STK25: variants seen among roughly 807,000 people sequenced by gnomAD.
The protein encoded by STK25 is serine/threonine-protein kinase 25.
STK25 carries 29 observed loss-of-function variants against 53.8 expected under a neutral mutation model. The observed-to-expected ratio is 0.54, with a 90% confidence interval of 0.40 to 0.74. STK25 has a LOEUF of 0.74. Ranked by LOEUF, STK25 falls within the 30% of genes least tolerant of loss-of-function variation. STK25 has a pLI of 0.00. For synonymous variants in STK25, 247 were observed against 238.3 expected (o/e 1.04, Z -0.33); for missense variants, 420 against 568.0 (o/e 0.74, Z 2.65).
intron 10 of STK25, chr2:241,497,275 G>A (rs776969565): frequency 3.4e-5 from 8 of 237,996 alleles, no homozygotes; most frequent in Admixed American, 1.6e-4. Flanking sequence ...AGCAGGTGAC[G>A]TTGATGCAGG....
intron 2 of STK25, chr2:241,502,034 C>T (rs1040370512): frequency 1.1e-5 from 3 of 280,062 alleles, no homozygotes; most frequent in Non-Finnish European, 2.1e-5. Flanking sequence ...CGTGGCGGCT[C>T]ATGCCTGTAA....
chr2:241,497,340 T>C, intron 10 of STK25: 2 of 417,596 alleles, frequency 4.8e-6, no homozygotes, highest in Non-Finnish European at 4.4e-6. Context: ...GACTAAACCT[T>C]CTCTGCTTTC....
Position 241,492,735 on chromosome 2 carries a change from A to C in STK25, c.*2927T>G. 1.8e-6 allele frequency: 1 copy of C among 547,994 alleles called. No individual in the cohort carries two copies. 33.9% of individuals were successfully genotyped at this position (547,994 alleles called of 1,614,324 possible). On this transcript the variant is annotated 3_prime_UTR_variant, in exon 12 of 12. Transcript: ENST00000316586. ...GAACTCACTTTACTTGGTGCCTGGA[A>C]TGTCACTCTAGGTTTTTAACATGCT... is the stretch of plus-strand genomic sequence containing the variant.
chr2:241,507,569 AG>A (rs1283141144), intron 2 of STK25, among the ~76,000 whole-genome samples: 1 of 152,170 alleles, frequency 6.6e-6, no homozygotes, highest in Non-Finnish European at 1.5e-5. Context: ...AGCGCCCGCC[AG>A]GGTCTCCCCT....
rs1272991939 is a variant in STK25, at chr2:241,496,071, G to A, written c.1241+327C>T. On this transcript the variant is annotated intron_variant, in intron 11 of 11. Transcript: ENST00000316586. This position sits in a 1 kb window ranked among gnomAD's most constrained non-coding sequence, Gnocchi z 5.8. Reference sequence around the variant, plus strand: ...AGCTCTGACGTTTTGCCACCAGCGTGTCAGAGTAGCTCCCGGGAGCCACCA... The same window carrying A: ...AGCTCTGACGTTTTGCCACCAGCGTATCAGAGTAGCTCCCGGGAGCCACCA... Among the ~76,000 whole-genome samples the A allele has an allele frequency of 6.6e-6, 1 of 152,208 alleles. No individual in the cohort carries two copies. The highest frequency in any genetic ancestry group is 1.5e-5 in the Non-Finnish European group (1 of 68,024).
intron 2 of STK25, among the ~76,000 whole-genome samples, chr2:241,507,071 T>C (rs894060359): frequency 6.6e-5 from 10 of 152,166 alleles, no homozygotes; most frequent in African/African-American, 2.4e-4. Flanking sequence ...CAACTCTCCA[T>C]TCAGCACATA....
intron 4 of STK25, 54 bp from the exon 5 acceptor site, chr2:241,500,335 C>A: frequency 7.9e-7 from 1 of 1,262,120 alleles, no homozygotes; most frequent in Non-Finnish European, 1.2e-6. Flanking sequence ...GGCCCAATGC[C>A]TGAGTTCTCT....
At chr2:241,504,144 T>C (rs2065679918) in intron 2 of STK25, 1 of 470,632 alleles carries the variant, frequency 2.1e-6, no homozygotes, top group African/African-American at 2.0e-5. Context: ...CACCTAACCT[T>C]TCCCTGCAAG....
chr2:241,500,161 C>A lies in STK25; in HGVS notation c.427+12G>T. On this transcript the variant is annotated intron_variant, in intron 5 of 11. Coordinates refer to ENST00000316586, the MANE Select transcript of STK25 (RefSeq NM_001271977.2). ...AGGACGTTACAAGAGCCACATCCAC[C>A]CCCAGCAGGACCTTTGATGTCTCGG... The A allele has an allele frequency of 6.2e-7, 1 of 1,610,824 alleles. No homozygotes were observed. Among genetic ancestry groups the A allele is most frequent in the Non-Finnish European group, 8.5e-7 (1 of 1,177,134 alleles).
At position 241,492,714 on chromosome 2, in the gene STK25, T is replaced by A. The variant is rs1472054183; in HGVS notation, c.*2948A>T. 3.8e-6 allele frequency: 2 copies of A among 530,422 alleles called. No individual in the cohort carries two copies. Among genetic ancestry groups the A allele is most frequent in the Admixed American group, 6.6e-5 (2 of 30,320 alleles). The allele number at this position is 530,422 out of a possible 1,614,324, so 32.9% of individuals were successfully genotyped here. On this transcript the variant is annotated 3_prime_UTR_variant, in exon 12 of 12. Coordinates refer to ENST00000316586, the MANE Select transcript of STK25 (RefSeq NM_001271977.2). The stretch of plus-strand genomic sequence containing the variant: ...TTTATTGTGCACAGGGAAAGGGAAC[T>A]CACTTTACTTGGTGCCTGGAATGTC...
At chr2:241,507,838 C>T (rs976367412) in intron 2 of STK25, among the ~76,000 whole-genome samples, 168 bp downstream of exon 2, 3 of 152,358 alleles carry the variant, frequency 2.0e-5, no homozygotes, top group Middle Eastern at 3.4e-3. Context: ...GGCAGAGCCC[C>T]GGGGCCGCCC....
rs1383112601 is a variant in STK25, at chr2:241,496,793, C to T, written c.1105-259G>A. ...CCGGGGAATCTCGGACCTCGGTTCT[C>T]AGGAGGGGACCAGATGGCTTCCTCC... On this transcript the variant is annotated intron_variant, in intron 10 of 11. Coordinates refer to ENST00000316586, the MANE Select transcript of STK25 (RefSeq NM_001271977.2). This position sits in a 1 kb window ranked among gnomAD's most constrained non-coding sequence, Gnocchi z 5.8. Among the ~76,000 whole-genome samples, 1 of 152,184 alleles carries T rather than the reference C, an allele frequency of 6.6e-6. No homozygotes were observed. The highest frequency in any genetic ancestry group is 2.4e-5 in the African/African-American group (1 of 41,436).
chr2:241,508,359 T>TGCC, intron 1 of STK25, 84 bp downstream of exon 1: 1 of 1,114,940 alleles, frequency 9.0e-7, no homozygotes, highest in Non-Finnish European at 1.1e-6. Context: ...CGCCCCGGTG[T>TGCC]CCCCGCCACC....
At position 241,493,990 on chromosome 2, in the gene STK25, G is replaced by A. The variant is rs751554092; in HGVS notation, c.*1672C>T. The A allele has an allele frequency of 3.7e-6, 5 of 1,363,086 alleles. No individual in the cohort carries two copies. The highest frequency in any genetic ancestry group is 3.8e-6 in the Non-Finnish European group (4 of 1,046,176). The allele number at this position is 1,363,086 out of a possible 1,614,324, so 84.4% of individuals were successfully genotyped here. ...GCACAAGATGGCTCACTGGTCTGAT[G>A]GCCGCCCTCTCCTCCAGGTGGATGG... is the stretch of plus-strand genomic sequence containing the variant. On this transcript the variant is annotated 3_prime_UTR_variant, in exon 12 of 12. Coordinates refer to ENST00000316586, the MANE Select transcript of STK25 (RefSeq NM_001271977.2).
At chr2:241,499,202 C>A (rs928067734) in intron 6 of STK25, 28 bp from the exon 7 acceptor site, 1 of 1,613,796 alleles carries the variant, frequency 6.2e-7, no homozygotes, top group Non-Finnish European at 8.5e-7. Flanking sequence ...ACTGTTGCTG[C>A]CCTGAGCACC....
chr2:241,495,832 A>G, intron 11 of STK25, 131 bp from the exon 12 acceptor site: 1 of 867,370 alleles, frequency 1.2e-6, no homozygotes, highest in Middle Eastern at 3.3e-4. Flanking sequence ...AGGTGTCCCC[A>G]ATGCACAGGG....
chr2:241,500,976 G>C, intron 3 of STK25, 180 bp from the exon 4 acceptor site: 2 of 616,190 alleles, frequency 3.2e-6, no homozygotes, highest in Non-Finnish European at 5.8e-6. Flanking sequence ...CCACACTACT[G>C]CTACAGATGC....
intron 2 of STK25, among the ~76,000 whole-genome samples, chr2:241,503,725 C>T (rs897473607): frequency 1.4e-4 from 21 of 145,544 alleles, no homozygotes; most frequent in African/African-American, 4.3e-4. Context: ...AAAGGCAAAA[C>T]GACTAATTAT....
intron 5 of STK25, 30 bp from the exon 6 acceptor site, chr2:241,499,444 C>CT (rs759045607): frequency 6.2e-7 from 1 of 1,606,866 alleles, no homozygotes; most frequent in Non-Finnish European, 8.5e-7. Flanking sequence ...CAGGCGTCAT[C>CT]CCAGGCTCCA....
Sources: gnomAD v4.1 joint callset for allele counts (sites outside exome capture counted in the v4.1 genomes callset) on GRCh38, gnomAD v4.1.1 for gene constraint, Gnocchi (gnomAD v3.1) non-coding constraint, MANE v1.5 for transcripts, NCBI Gene and HGNC (gene_info 2026-07-23, HGNC 2026-07-21) for gene names.